Variants in MARK2 observed in about 807,000 individuals in gnomAD.
MARK2 encodes serine/threonine-protein kinase MARK2.
Under a neutral mutation model 89.8 loss-of-function variants are expected in MARK2, and 16 were observed. That is an observed-to-expected ratio of 0.18 (90% confidence interval 0.12 to 0.27). The LOEUF (loss-of-function observed/expected upper bound fraction) is 0.27, where lower values mean the gene tolerates loss of function less well. MARK2 is among the 10% of genes least tolerant of loss of function. The pLI is 1.00. For missense variants in MARK2, 621 were observed against 1,049.9 expected, an observed-to-expected ratio of 0.59 and a Z score of 5.65; for synonymous variants, 382 against 399.5, an observed-to-expected ratio of 0.96 and a Z score of 0.52.
chr11:63,906,009 C>T, intron 16 of MARK2, 79 bp from the exon 17 acceptor site: 1 of 1,228,378 alleles, frequency 8.1e-7, no homozygotes, highest in East Asian at 3.0e-5. Flanking sequence ...CCTCCCCCAC[C>T]TGCTTATCCA....
In MARK2 at chr11:63,883,094, G is replaced by T. The variant is rs894703282; in HGVS notation, c.55-12065G>T. 4.6e-5 allele frequency among the ~76,000 whole-genome samples: 7 copies of T among 152,216 alleles called. No individual in the cohort carries two copies. In the South Asian group the frequency reaches 6.2e-4, roughly 13 times the overall value. ...TGGGAGGAACCGCATAAAGTGCGAGGCTGGCAGTGTGAGCTTCCCTCAGCC... is the reference window on the plus strand; with the variant it reads ...TGGGAGGAACCGCATAAAGTGCGAGTCTGGCAGTGTGAGCTTCCCTCAGCC... On this transcript the variant is annotated intron_variant, in intron 1 of 18. Coordinates refer to ENST00000402010, the MANE Select transcript of MARK2 (RefSeq NM_001039469.3).
At chr11:63,889,695 T>C (rs1590643240) in intron 1 of MARK2, among the ~76,000 whole-genome samples, 1 of 152,410 alleles carries the variant, frequency 6.6e-6, no homozygotes, top group South Asian at 2.1e-4. Flanking sequence ...CCCAAAGCTG[T>C]TTCAGCCCTA....
Position 63,839,137 on chromosome 11 carries a change from A to C in MARK2, c.-370A>C, listed in dbSNP as rs1590945275. 5.2e-6 allele frequency: 1 copy of C among 192,238 alleles called. No individual in the cohort carries two copies. The highest frequency in any genetic ancestry group is 1.0e-5 in the Non-Finnish European group (1 of 95,364). 11.9% of individuals were successfully genotyped at this position (192,238 alleles called of 1,614,324 possible). ...CGGTGGTGGCGGCCATGTTGGGAGCAGCAGGTCCGGCGGCGGCTGCCTGTG... is the reference window on the plus strand; with the variant it reads ...CGGTGGTGGCGGCCATGTTGGGAGCCGCAGGTCCGGCGGCGGCTGCCTGTG... On this transcript the variant is annotated 5_prime_UTR_variant, in exon 1 of 19. Coordinates refer to ENST00000402010, the MANE Select transcript of MARK2 (RefSeq NM_001039469.3).
chr11:63,888,707 T>A (rs2135307617), intron 1 of MARK2: 1 of 1,190,714 alleles, frequency 8.4e-7, no homozygotes, highest in South Asian at 1.5e-5. Context: ...TCTCTGCTAG[T>A]GGTGGTTTCG....
chr11:63,849,198 C>T (rs1435727326), intron 1 of MARK2, among the ~76,000 whole-genome samples: 4 of 152,192 alleles, frequency 2.6e-5, no homozygotes, highest in Admixed American at 6.5e-5. Context: ...CACCCCATCA[C>T]TCCCTACTTC....
chr11:63,884,223 G>A (rs1279709616), intron 1 of MARK2, among the ~76,000 whole-genome samples: 2 of 152,224 alleles, frequency 1.3e-5, no homozygotes, highest in African/African-American at 4.8e-5. Flanking sequence ...AAGTAGTCCT[G>A]GAAGCCTCTA....
Position 63,902,372 on chromosome 11 carries a change from C to A in MARK2, c.1234+42C>A, listed in dbSNP as rs1187639385. Reference sequence around the variant, plus strand: ...GTTGTAGGTGGGGACTCACCCCTCTCCAGAGAGGTTACAGGTTCTGTGGGG... The same window carrying A: ...GTTGTAGGTGGGGACTCACCCCTCTACAGAGAGGTTACAGGTTCTGTGGGG... On this transcript the variant is annotated intron_variant, in intron 12 of 18. Coordinates refer to ENST00000402010, the MANE Select transcript of MARK2 (RefSeq NM_001039469.3). The surrounding 1 kb of genome is among the most constrained non-coding windows in gnomAD (Gnocchi z 4.2). The A allele has an allele frequency of 1.9e-6, 3 of 1,611,098 alleles. No homozygotes were observed. Among genetic ancestry groups the A allele is most frequent in the South Asian group, 2.2e-5 (2 of 91,018 alleles).
chr11:63,841,011 C>T (rs554600556), intron 1 of MARK2, among the ~76,000 whole-genome samples: 12 of 152,294 alleles, frequency 7.9e-5, no homozygotes, highest in African/African-American at 2.6e-4. Flanking sequence ...CCCTGCCTGT[C>T]ATACCTTTCT....
At chr11:63,856,335 TTTA>T (rs1469256538) in intron 1 of MARK2, among the ~76,000 whole-genome samples, 2,377 of 59,932 alleles carry the variant, frequency 0.04, 89 homozygotes, top group East Asian at 0.22. Flanking sequence ...TTTTTTTTTT[TTTA>T]AATATATGGC....
At chr11:63,870,789 C>A (rs1938400959) in intron 1 of MARK2, among the ~76,000 whole-genome samples, 1 of 152,176 alleles carries the variant, frequency 6.6e-6, no homozygotes, top group Non-Finnish European at 1.5e-5. Flanking sequence ...AATGTCTGAG[C>A]TGAGGCTCAC....
intron 1 of MARK2, among the ~76,000 whole-genome samples, chr11:63,887,705 A>G (rs1590635208): frequency 7.0e-6 from 1 of 143,072 alleles, no homozygotes; most frequent in East Asian, 2.4e-4. Context: ...CAACCAGCAC[A>G]TAGACAGGGG....
intron 1 of MARK2, among the ~76,000 whole-genome samples, chr11:63,874,983 C>T (rs1211385863): frequency 6.6e-6 from 1 of 152,264 alleles, no homozygotes; most frequent in South Asian, 2.1e-4. Flanking sequence ...GACTGTCTCA[C>T]TCTGTCGCCC....
At chr11:63,869,010 A>G in intron 1 of MARK2, 1 of 374,786 alleles carries the variant, frequency 2.7e-6, no homozygotes, top group Non-Finnish European at 5.4e-6. Flanking sequence ...TTCCGAGGCC[A>G]CTGTGAGTGA....
chr11:63,890,600 A>G (rs1469860731), intron 1 of MARK2, among the ~76,000 whole-genome samples: 1 of 152,138 alleles, frequency 6.6e-6, no homozygotes, highest in African/African-American at 2.4e-5. Context: ...GGTCTGGAGG[A>G]GAGCGGGCAC....
At chr11:63,895,104 C>A in intron 1 of MARK2, 55 bp from the exon 2 acceptor site, 4 of 1,485,008 alleles carry the variant, frequency 2.7e-6, no homozygotes, top group Non-Finnish European at 3.7e-6. Context: ...TTGCAGAGAG[C>A]GTTTAGAGGA....
At chr11:63,856,316 T>TG (rs767794729) in intron 1 of MARK2, among the ~76,000 whole-genome samples, 1 of 54,196 alleles carries the variant, frequency 1.8e-5, no homozygotes, top group Admixed American at 4.1e-4. Context: ...GGGTTTTTTT[T>TG]TTTTGTTTTT....
intron 1 of MARK2, among the ~76,000 whole-genome samples, chr11:63,861,430 G>A (rs567744152): frequency 4.6e-5 from 7 of 151,884 alleles, no homozygotes; most frequent in South Asian, 2.1e-4. Context: ...GCGAGACTCC[G>A]TCTCAGAAAA....
intron 3 of MARK2, among the ~76,000 whole-genome samples, chr11:63,895,957 A>T (rs1940363668): frequency 6.6e-6 from 1 of 152,036 alleles, no homozygotes. Flanking sequence ...GGCGTGAACC[A>T]CTGCCCCCAG....
intron 1 of MARK2, chr11:63,888,976 C>T (rs747858257): frequency 3.7e-6 from 5 of 1,350,308 alleles, no homozygotes; most frequent in Non-Finnish European, 4.9e-6. Flanking sequence ...TATGTTGTCC[C>T]CCTTTTTACT....
Sources: gnomAD v4.1 joint callset for allele counts (sites outside exome capture counted in the v4.1 genomes callset) on GRCh38, gnomAD v4.1.1 for gene constraint, Gnocchi (gnomAD v3.1) non-coding constraint, MANE v1.5 for transcripts, NCBI Gene and HGNC (gene_info 2026-07-23, HGNC 2026-07-21) for gene names.